BCKDK: variants seen among roughly 807,000 people sequenced by gnomAD.
BCKDK encodes the protein branched chain keto acid dehydrogenase kinase, also known as branched-chain alpha-ketoacid dehydrogenase kinase.
A neutral mutation model predicts 43.9 loss-of-function variants in BCKDK; 28 were observed. That is an observed-to-expected ratio of 0.64 (90% CI 0.47 to 0.87). BCKDK has a LOEUF of 0.87. BCKDK is among the 40% of genes least tolerant of loss of function. The pLI is 0.00. For synonymous variants in BCKDK, 257 were observed against 234.3 expected, an observed-to-expected ratio of 1.10 and a Z score of -0.88; for missense variants, 483 against 581.4, an observed-to-expected ratio of 0.83 and a Z score of 1.74.
In BCKDK at chr16:31,109,428, G is replaced by A. The variant is rs1467318514; in HGVS notation, c.195+10G>A. On this transcript the variant is annotated intron_variant, in intron 2 of 11. Coordinates refer to ENST00000219794, the MANE Select transcript of BCKDK (RefSeq NM_005881.4). This position sits in a 1 kb window ranked among gnomAD's most constrained non-coding sequence, Gnocchi z 5.3. ...CGCGGCAGCGGAGAAGGTGCGCAAG[G>A]GGGCAGCCAGCCCAGGGTCCGGGAT... 2 of 1,611,880 alleles carry A rather than the reference G, an allele frequency of 1.2e-6. No homozygotes were observed. Among genetic ancestry groups the A allele is most frequent in the South Asian group, 1.1e-5 (1 of 90,960 alleles).
In BCKDK at chr16:31,109,140, C is replaced by CA; in HGVS notation, c.-84_-83insA. The CA allele has an allele frequency of 3.1e-6, 4 of 1,304,634 alleles. No individual in the cohort carries two copies. The highest frequency in any genetic ancestry group is 4.0e-6 in the Non-Finnish European group (4 of 990,654). The allele number at this position is 1,304,634 out of a possible 1,614,324, so 80.8% of individuals were successfully genotyped here. A position where few individuals can be genotyped will look rare whatever the true frequency, so the allele number is the denominator to read the frequency against. ...AAGAGCCCCTACCCACCCACACCCCCTTGCCCCATTTTGGGTCGCCTGGGT... is the reference window on the plus strand; with the variant it reads ...AAGAGCCCCTACCCACCCACACCCCCATTGCCCCATTTTGGGTCGCCTGGGT... On this transcript the variant is annotated 5_prime_UTR_variant, in exon 2 of 12. Coordinates refer to ENST00000219794, the MANE Select transcript of BCKDK (RefSeq NM_005881.4). This position sits in a 1 kb window ranked among gnomAD's most constrained non-coding sequence, Gnocchi z 5.3.
chr16:31,116,787 C>T (rs1374303765), downstream of BCKDK, among the ~76,000 whole-genome samples: 1 of 151,690 alleles, frequency 6.6e-6, no homozygotes, highest in Non-Finnish European at 1.5e-5. Context: ...CGTGGTGGCG[C>T]GCGATTGTAA....
downstream of BCKDK, among the ~76,000 whole-genome samples, chr16:31,113,152 T>C (rs2057427618): frequency 1.3e-5 from 2 of 152,192 alleles, no homozygotes; most frequent in East Asian, 3.8e-4. Context: ...AGGAACACCC[T>C]ACCCACCTTG....
downstream of BCKDK, among the ~76,000 whole-genome samples, chr16:31,114,142 C>A (rs2057432788): frequency 6.6e-6 from 1 of 152,130 alleles, no homozygotes. Context: ...CACACAGAAA[C>A]AGCAAGAACT....
chr16:31,112,811 G>A, downstream of BCKDK: 1 of 212,700 alleles, frequency 4.7e-6, no homozygotes, highest in Non-Finnish European at 9.7e-6. This position sits in a 1 kb window ranked among gnomAD's most constrained non-coding sequence, Gnocchi z 5.0. Flanking sequence ...CCGGGTCCCA[G>A]ATAATATTGA....
Position 31,112,574 on chromosome 16 carries a change from GC to G in BCKDK, c.*313del. The stretch of plus-strand genomic sequence containing the variant: ...GTTCACATTTTGAATGCCCTCTCGG[GC>G]CCCGTGTGTGGGGAGGGCAGGTGAA... On this transcript the variant is annotated 3_prime_UTR_variant, in exon 12 of 12. Transcript: ENST00000219794. This position sits in a 1 kb window ranked among gnomAD's most constrained non-coding sequence, Gnocchi z 5.0. 2.1e-6 allele frequency: 1 copy of G among 487,112 alleles called. No homozygotes were observed. The highest frequency in any genetic ancestry group is 3.8e-6 in the Non-Finnish European group (1 of 264,320). The allele number at this position is 487,112 out of a possible 1,614,324, so 30.2% of individuals were successfully genotyped here.
At chr16:31,115,369 T>C (rs1596813716), downstream of BCKDK, among the ~76,000 whole-genome samples, 1 of 151,588 alleles carries the variant, frequency 6.6e-6, no homozygotes, top group East Asian at 1.9e-4. Context: ...ATTACAGGCA[T>C]GCGGCCACCA....
At position 31,112,098 on chromosome 16, in the gene BCKDK, C is replaced by T; in HGVS notation, c.1095-23C>T. 6.2e-7 allele frequency: 1 copy of T among 1,607,334 alleles called. No individual in the cohort carries two copies. The highest frequency in any genetic ancestry group is 8.5e-7 in the Non-Finnish European group (1 of 1,175,944). On this transcript the variant is annotated intron_variant, in intron 11 of 11. Transcript: ENST00000219794. The surrounding 1 kb of genome is among the most constrained non-coding windows in gnomAD (Gnocchi z 5.0). ...GACTCAAGCCTCTGAAGCCTCCTGT[C>T]CTGTCCCCCTGCCCACCCCCAGCTT...
Position 31,109,274 on chromosome 16 carries a change from C to T in BCKDK, c.51C>T (p.Leu17=). Residue 17 remains leucine, a synonymous_variant, in exon 2 of 12, where the codon CTC becomes CTT. Coordinates refer to ENST00000219794, the MANE Select transcript of BCKDK (RefSeq NM_005881.4). This position sits in a 1 kb window ranked among gnomAD's most constrained non-coding sequence, Gnocchi z 5.3. ...GCGGTCCCGGGGGCGGGCTTCCGCT[C>T]CGGCCCCTCCTGGGACCCGCACTCG... is the stretch of plus-strand genomic sequence containing the variant. ...LRSGPGGGLP[L]RPLLGPALAL... The T allele has an allele frequency of 6.3e-7, 1 of 1,584,410 alleles. No homozygotes were observed. The highest frequency in any genetic ancestry group is 8.6e-7 in the Non-Finnish European group (1 of 1,165,328).
chr16:31,115,118 T>C (rs987461387), downstream of BCKDK, among the ~76,000 whole-genome samples: 6 of 151,874 alleles, frequency 4.0e-5, no homozygotes, highest in African/African-American at 1.5e-4. Context: ...AGACGGGGTT[T>C]CACAATGTGG....
At chr16:31,113,529 G>A (rs2057429242), downstream of BCKDK, among the ~76,000 whole-genome samples, 1 of 152,164 alleles carries the variant, frequency 6.6e-6, no homozygotes, top group Non-Finnish European at 1.5e-5. Context: ...GCCCAGGCTG[G>A]AATATGGTGG....
In BCKDK at chr16:31,111,367, AATG is replaced by A. The variant is rs1325358325; in HGVS notation, c.917_919del (p.Asp306del). 1 of 1,614,138 alleles carries A rather than the reference AATG, an allele frequency of 6.2e-7. No homozygotes were observed. Among genetic ancestry groups the A allele is most frequent in the Non-Finnish European group, 8.5e-7 (1 of 1,179,996 alleles). The stretch of plus-strand genomic sequence containing the variant: ...AGATGTGGTCATCACCATCGCCAAC[AATG>A]ATGTCGATCTGATCATCAGGTTTGC... On this transcript the variant is annotated inframe_deletion, in exon 10 of 12. Transcript: ENST00000219794.
chr16:31,116,767 AAT>A (rs149187641), downstream of BCKDK, among the ~76,000 whole-genome samples: 87,616 of 150,310 alleles, frequency 0.58, 26,368 homozygotes, highest in South Asian at 0.82. Context: ...AAATACAAAA[AAT>A]AGCCGGGCGT....
At chr16:31,115,584 T>C (rs1317662969), downstream of BCKDK, among the ~76,000 whole-genome samples, 3 of 151,936 alleles carry the variant, frequency 2.0e-5, no homozygotes, top group African/African-American at 7.3e-5. Context: ...TGGAGTGCAG[T>C]GGAGGGATTA....
At position 31,109,809 on chromosome 16, in the gene BCKDK, G is replaced by T; in HGVS notation, c.375+26G>T. 2 of 1,608,600 alleles carry T rather than the reference G, an allele frequency of 1.2e-6. No individual in the cohort carries two copies. Among genetic ancestry groups the T allele is most frequent in the Non-Finnish European group, 1.7e-6 (2 of 1,175,624 alleles). ...GTAAGGTAGAGAGGACCTTAGGTCA[G>T]CGGGCCACCCTGCCCCGGGGGCAAG... On this transcript the variant is annotated intron_variant, in intron 4 of 11. Transcript: ENST00000219794. The surrounding 1 kb of genome is among the most constrained non-coding windows in gnomAD (Gnocchi z 5.3).
chr16:31,112,200 AT>A lies in BCKDK; in HGVS notation c.1176del (p.Ile392MetfsTer112), dbSNP rs2057418473. On this transcript the variant is annotated frameshift_variant, in exon 12 of 12. Coordinates refer to ENST00000219794, the MANE Select transcript of BCKDK (RefSeq NM_005881.4). LOFTEE classifies it high-confidence loss of function. This position sits in a 1 kb window ranked among gnomAD's most constrained non-coding sequence, Gnocchi z 5.0. Reference protein sequence around the residue: ...GSLQLQSLQGIGTDVYLRLRH... With the variant: ...GSLQLQSLQGXGTDVYLRLRH... ...TCTGCAGCTGCAGTCCCTGCAGGGC[AT>A]TGGCACGGACGTCTACCTGCGGCTC... The A allele has an allele frequency of 1.2e-6, 2 of 1,612,670 alleles. No individual in the cohort carries two copies.
intron 10 of BCKDK, 123 bp from the exon 11 acceptor site, chr16:31,111,746 G>A: frequency 7.5e-7 from 1 of 1,340,204 alleles, no homozygotes; most frequent in Non-Finnish European, 1.0e-6. Context: ...CAAGGGTCTA[G>A]GTGGACCACA....
downstream of BCKDK, among the ~76,000 whole-genome samples, chr16:31,115,371 C>T (rs570934154): frequency 2.0e-5 from 3 of 151,824 alleles, no homozygotes; most frequent in Admixed American, 1.3e-4. Context: ...TACAGGCATG[C>T]GGCCACCACG....
In BCKDK at chr16:31,112,117, C is replaced by T. The variant is rs1258313420; in HGVS notation, c.1095-4C>T. 1 of 1,608,262 alleles carries T rather than the reference C, an allele frequency of 6.2e-7. No individual in the cohort carries two copies. Among genetic ancestry groups the T allele is most frequent in the Non-Finnish European group, 8.5e-7 (1 of 1,176,132 alleles). ...TCCTGTCCTGTCCCCCTGCCCACCC[C>T]CAGCTTTGGCTTCGGGTTGCCCACG... is the stretch of plus-strand genomic sequence containing the variant. On this transcript the variant is annotated splice_polypyrimidine_tract_variant and splice_region_variant and intron_variant, in intron 11 of 11. Transcript: ENST00000219794. This position sits in a 1 kb window ranked among gnomAD's most constrained non-coding sequence, Gnocchi z 5.0.
Sources: gnomAD v4.1 joint callset for allele counts (sites outside exome capture counted in the v4.1 genomes callset) on GRCh38, gnomAD v4.1.1 for gene constraint, Gnocchi (gnomAD v3.1) non-coding constraint, MANE v1.5 for transcripts, NCBI Gene and HGNC (gene_info 2026-07-23, HGNC 2026-07-21) for gene names.